DDX52: variants seen among roughly 807,000 people sequenced by gnomAD.
The protein encoded by DDX52 is probable ATP-dependent RNA helicase DDX52.
A neutral mutation model predicts 76.1 loss-of-function variants in DDX52; 59 were observed. That is an observed-to-expected ratio of 0.78 (90% CI 0.63 to 0.96). The LOEUF is 0.96. Among genes scored for constraint, DDX52 ranks in the 40% least tolerant of loss-of-function variants. DDX52 has a pLI of 0.00. For synonymous variants in DDX52, 231 were observed against 244.1 expected (o/e 0.95, Z 0.50); for missense variants, 707 against 703.9 (o/e 1.00, Z -0.05).
chr17:37,626,816 G>C lies in DDX52; in HGVS notation c.904C>G (p.Gln302Glu). 6.2e-7 allele frequency: 1 copy of C among 1,611,694 alleles called. No individual in the cohort carries two copies. Among genetic ancestry groups the C allele is most frequent in the Non-Finnish European group, 8.5e-7 (1 of 1,179,242 alleles). ...TPNRLIYLLK[Q>E]DPPGIDLASV... Reference sequence around the variant, plus strand: ...GCTAGGTCGATTCCGGGGGGATCTTGCTTTAATAAATAGATTAGTCGATTT... The same window carrying C: ...GCTAGGTCGATTCCGGGGGGATCTTCCTTTAATAAATAGATTAGTCGATTT... Residue 302 changes from glutamine (Q) to glutamate (E), a missense_variant, in exon 7 of 15, where the codon CAA becomes GAA. Gln to Glu is a conservative substitution (Grantham distance 29). Coordinates refer to ENST00000617633, the MANE Select transcript of DDX52 (RefSeq NM_007010.5).
chr17:37,624,215 A>G (rs1030389674), intron 9 of DDX52, 129 bp downstream of exon 9: 4 of 576,482 alleles, frequency 6.9e-6, no homozygotes, highest in Admixed American at 6.3e-5. Context: ...TTTCTTATCA[A>G]TTTACCAATG....
intron 6 of DDX52, among the ~76,000 whole-genome samples, chr17:37,628,228 C>A (rs2147352506): frequency 6.6e-6 from 1 of 152,284 alleles, no homozygotes; most frequent in African/African-American, 2.4e-5. Flanking sequence ...CTGTGCACCG[C>A]AGAATGTTTA....
At chr17:37,617,676 TG>T (rs2029878446) in intron 14 of DDX52, among the ~76,000 whole-genome samples, 1 of 152,238 alleles carries the variant, frequency 6.6e-6, no homozygotes, top group Non-Finnish European at 1.5e-5. Context: ...TGTAAGTCAA[TG>T]GTCCTAACTA....
chr17:37,643,335 T>C lies in DDX52; in HGVS notation c.86A>G (p.Gln29Arg). ...RRFSADAARF[Q>R]IGKRKYDFDS... is the part of the protein sequence containing the mutation. The stretch of plus-strand genomic sequence containing the variant: ...CCCTCGGTCCCTTGGGCACAGTACC[T>C]GGAATCGAGCTGCGTCTGCCGAGAA... The change falls in exon 1 of 15, where the codon CAG (glutamine) becomes CGG (arginine). Residue 29 changes from glutamine (Q) to arginine (R), a missense_variant and splice_region_variant. Gln to Arg is a conservative substitution (Grantham distance 43, BLOSUM62 1). Transcript: ENST00000617633. 1 of 1,613,644 alleles carries C rather than the reference T, an allele frequency of 6.2e-7. No homozygotes were observed. The highest frequency in any genetic ancestry group is 8.5e-7 in the Non-Finnish European group (1 of 1,179,680).
chr17:37,632,033 G>C, intron 4 of DDX52, 80 bp downstream of exon 4: 1 of 1,582,264 alleles, frequency 6.3e-7, no homozygotes, highest in East Asian at 2.2e-5. Flanking sequence ...TGGAAAGAAA[G>C]AGTTCAAGAA....
rs1217425760 is a variant in DDX52, at chr17:37,613,977, A to G, written c.*319T>C. On this transcript the variant is annotated 3_prime_UTR_variant, in exon 15 of 15. Coordinates refer to ENST00000617633, the MANE Select transcript of DDX52 (RefSeq NM_007010.5). ...TTGTATAATCATTTAAAAGTCACCT[A>G]CAGAGCTGGGTGCAGCAGCTTGTGC... is the stretch of plus-strand genomic sequence containing the variant. 3.9e-6 allele frequency: 1 copy of G among 258,066 alleles called. No homozygotes were observed. Among genetic ancestry groups the G allele is most frequent in the East Asian group, 7.5e-5 (1 of 13,288 alleles). The allele number at this position is 258,066 out of a possible 1,614,324, so 16.0% of individuals were successfully genotyped here.
chr17:37,626,397 A>G (rs547776161), intron 7 of DDX52, among the ~76,000 whole-genome samples: 4 of 152,166 alleles, frequency 2.6e-5, no homozygotes, highest in African/African-American at 9.6e-5. Flanking sequence ...ACCATGTAAG[A>G]TATGTCTTGC....
At chr17:37,625,031 A>G (rs916487885) in intron 8 of DDX52, among the ~76,000 whole-genome samples, 2 of 151,842 alleles carry the variant, frequency 1.3e-5, no homozygotes, top group Admixed American at 6.6e-5. Flanking sequence ...TTCAAGATGG[A>G]ATCTCACTCT....
chr17:37,632,526 A>G (rs538129015), intron 3 of DDX52, among the ~76,000 whole-genome samples: 3 of 152,226 alleles, frequency 2.0e-5, no homozygotes, highest in Non-Finnish European at 4.4e-5. Context: ...TTATTGTCAT[A>G]GTCATAACTT....
chr17:37,633,853 G>A (rs1324114213), intron 2 of DDX52, among the ~76,000 whole-genome samples: 3 of 151,250 alleles, frequency 2.0e-5, no homozygotes, highest in African/African-American at 7.3e-5. Context: ...TCTTCCCTTT[G>A]TTGGCTGTTT....
In DDX52 at chr17:37,611,009, A is replaced by G. The variant is rs2064340465; in HGVS notation, c.*3287T>C. The G allele has an allele frequency of 6.6e-6, 1 of 152,256 alleles. No homozygotes were observed. The highest frequency in any genetic ancestry group is 1.5e-5 in the Non-Finnish European group (1 of 68,048). 9.4% of individuals were successfully genotyped at this position (152,256 alleles called of 1,614,324 possible). ...CAGACACAATAAAGTCAAGGATCAT[A>G]GATGTGACCTCAGTTTGTCCTGGAA... On this transcript the variant is annotated 3_prime_UTR_variant, in exon 15 of 15. Transcript: ENST00000617633.
At chr17:37,618,130 C>T (rs1017899881) in intron 14 of DDX52, among the ~76,000 whole-genome samples, 162 bp downstream of exon 14, 1 of 152,024 alleles carries the variant, frequency 6.6e-6, no homozygotes, top group Non-Finnish European at 1.5e-5. Context: ...AACAAACAAA[C>T]AAATTTCCCA....
At chr17:37,619,727 C>T in intron 13 of DDX52, 41 bp downstream of exon 13, 1 of 1,527,690 alleles carries the variant, frequency 6.5e-7, no homozygotes, top group Non-Finnish European at 8.9e-7. Context: ...AATGTATATA[C>T]AAAGAGACAG....
intron 4 of DDX52, chr17:37,631,351 G>A (rs1429104303): frequency 6.6e-6 from 1 of 152,236 alleles, no homozygotes; most frequent in Admixed American, 6.5e-5. Context: ...ATTACGCAAA[G>A]TGAAAGAAAC....
In DDX52 at chr17:37,631,962, G is replaced by C. The variant is rs2030701878; in HGVS notation, c.603+151C>G. On this transcript the variant is annotated intron_variant, in intron 4 of 14. Transcript: ENST00000617633. ...TGGAGTGATCAAGACAACTTTTATG[G>C]AGGCACAGGCATTTGATGAACCTTA... 7 of 1,045,368 alleles carry C rather than the reference G, an allele frequency of 6.7e-6. No homozygotes were observed. In the Admixed American group the frequency reaches 7.2e-5, roughly 11 times the overall value. 64.8% of individuals were successfully genotyped at this position (1,045,368 alleles called of 1,614,324 possible).
chr17:37,614,347 C>G lies in DDX52; in HGVS notation c.1749G>C (p.Lys583Asn), dbSNP rs2064400803. ...FLEKAKDKQK[K>N]VTGQNSKKKV... is the part of the protein sequence containing the mutation. ...TCTTCTTGCTGTTCTGACCAGTGAC[C>G]TTTTTCCTGTAAAGAGCAAAGTAAG... Residue 583 changes from lysine (K) to asparagine (N), a missense_variant, in exon 15 of 15, where the codon AAG becomes AAC. Lys to Asn is a moderately conservative substitution (Grantham distance 94). Transcript: ENST00000617633. 6.2e-7 allele frequency: 1 copy of G among 1,609,784 alleles called. No homozygotes were observed. The highest frequency in any genetic ancestry group is 8.5e-7 in the Non-Finnish European group (1 of 1,178,772).
At position 37,629,274 on chromosome 17, in the gene DDX52, C is replaced by T. The variant is rs994672416; in HGVS notation, c.748-602G>A. Reference sequence around the variant, plus strand: ...ACACACACACACACACACACACACACACATAGTACTATTACAAGACTATTT... The same window carrying T: ...ACACACACACACACACACACACACATACATAGTACTATTACAAGACTATTT... On this transcript the variant is annotated intron_variant, in intron 5 of 14. Coordinates refer to ENST00000617633, the MANE Select transcript of DDX52 (RefSeq NM_007010.5). 7.2e-5 allele frequency among the ~76,000 whole-genome samples: 8 copies of T among 110,796 alleles called. No individual in the cohort carries two copies. The South Asian group carries it at 1.7e-3, about 23-fold the overall frequency. 72.7% of individuals were successfully genotyped at this position (110,796 alleles called of 152,430 possible).
At chr17:37,636,007 G>C (rs2030905860) in intron 2 of DDX52, among the ~76,000 whole-genome samples, 2 of 152,280 alleles carry the variant, frequency 1.3e-5, no homozygotes, top group African/African-American at 2.4e-5. Context: ...GTAGATACAA[G>C]TCCTTTGATA....
rs766813033 is a variant in DDX52 at position 37,643,441 on chromosome 17, A to G, written c.-21T>C. 4.0e-5 allele frequency: 64 copies of G among 1,612,364 alleles called. 2 individuals are homozygous for G. Among genetic ancestry groups the G allele is most frequent in the Admixed American group, 1.0e-4 (6 of 59,922 alleles). On this transcript the variant is annotated 5_prime_UTR_variant, in exon 1 of 15. Transcript: ENST00000617633. Reference sequence around the variant, plus strand: ...TCCATCTTTACCCAGAAAGCGCCACAGTTCTACGGCGCCTGCGCAGACTAC... The same window carrying G: ...TCCATCTTTACCCAGAAAGCGCCACGGTTCTACGGCGCCTGCGCAGACTAC...
Sources: gnomAD v4.1 joint callset for allele counts (sites outside exome capture counted in the v4.1 genomes callset) on GRCh38, gnomAD v4.1.1 for gene constraint, MANE v1.5 for transcripts, NCBI Gene and HGNC (gene_info 2026-07-23, HGNC 2026-07-21) for gene names.